Variants in CLIP1 observed in about 807,000 individuals in gnomAD.
CLIP1 encodes the protein CAP-Gly domain-containing linker protein 1.
In CLIP1, 66 loss-of-function variants were observed where a neutral mutation model predicts 161.6. The observed-to-expected ratio is 0.41, with a 90% CI of 0.33 to 0.50. The LOEUF (loss-of-function observed/expected upper bound fraction) is 0.50. Ranked by LOEUF, CLIP1 falls within the 20% of genes least tolerant of loss-of-function variation. CLIP1 has a pLI of 0.27. For synonymous variants in CLIP1, 598 were observed against 626.2 expected (o/e 0.96, Z 0.67); for missense variants, 1,376 against 1,702.0 (o/e 0.81, Z 3.37).
rs151074651 is a variant in CLIP1, at chr12:122,397,336, T to C, written c.-106-16778A>G. Among the ~76,000 whole-genome samples the C allele has an allele frequency of 2.9e-3, 437 of 151,758 alleles. 2 individuals carry two copies. Among genetic ancestry groups the C allele is most frequent in the African/African-American group, 0.01 (420 of 41,436 alleles). ...TGGAAGAGTTCAGGCGTGTGGCTCATGCCTGTAATCCCAGCACTTTGGGAG... is the reference window on the plus strand; with the variant it reads ...TGGAAGAGTTCAGGCGTGTGGCTCACGCCTGTAATCCCAGCACTTTGGGAG... On this transcript the variant is annotated intron_variant, in intron 1 of 25. Coordinates refer to ENST00000620786, the MANE Select transcript of CLIP1 (RefSeq NM_001247997.2).
chr12:122,330,482 G>A (rs1020139519), intron 15 of CLIP1, among the ~76,000 whole-genome samples: 3 of 151,396 alleles, frequency 2.0e-5, no homozygotes, highest in African/African-American at 7.3e-5. Context: ...TAAATTCTTT[G>A]ATTTTTATAT....
In CLIP1 at chr12:122,327,444, C is replaced by T. The variant is rs568580278; in HGVS notation, c.3249+503G>A. ...AGCTCACAGTACCTTCCTGGGGACA[C>T]ATAAAGCCCTCTGTGGAGTTCTCAA... On this transcript the variant is annotated intron_variant, in intron 17 of 25. Transcript: ENST00000620786. Among the ~76,000 whole-genome samples the T allele has an allele frequency of 7.2e-5, 11 of 152,270 alleles. No individual in the cohort carries two copies. The South Asian group carries it at 2.3e-3, about 32-fold the overall frequency.
chr12:122,293,266 G>A (rs529247878), intron 20 of CLIP1, among the ~76,000 whole-genome samples: 18 of 152,124 alleles, frequency 1.2e-4, no homozygotes, highest in Admixed American at 4.6e-4. Context: ...AACGCAAACT[G>A]AAACCACACT....
chr12:122,353,058 T>C (rs1048018593), intron 7 of CLIP1, among the ~76,000 whole-genome samples: 3 of 151,216 alleles, frequency 2.0e-5, no homozygotes, highest in African/African-American at 7.3e-5. Context: ...CCACCAGAAA[T>C]GCCTTAGAGA....
chr12:122,420,345 CAAAAA>C, intron 1 of CLIP1, among the ~76,000 whole-genome samples: 1 of 124,108 alleles, frequency 8.1e-6, no homozygotes, highest in East Asian at 2.3e-4. Flanking sequence ...AATTCCATGT[CAAAAA>C]AAAAAAAAGA....
intron 1 of CLIP1, among the ~76,000 whole-genome samples, chr12:122,408,893 C>A (rs2137145906): frequency 6.6e-6 from 1 of 152,240 alleles, no homozygotes; most frequent in Admixed American, 6.6e-5. Flanking sequence ...CTCACTGCAA[C>A]CTCCGCCTCC....
At chr12:122,399,465 C>T (rs1251691735) in intron 1 of CLIP1, 1 of 152,236 alleles carries the variant, frequency 6.6e-6, no homozygotes, top group Non-Finnish European at 1.5e-5. Context: ...AGGCTCAGCA[C>T]CTCCTGGCAC....
In CLIP1 at chr12:122,340,975, C is replaced by T. The variant is rs757189888; in HGVS notation, c.2229G>A (p.Lys743=). ...NKLQEAEIKV[K]ELEVLQAKCN... is the part of the protein sequence containing the mutation. ...ATTTGGCTTGCAGTACCTCTAGCTC[C>T]TTTACCTTTATTTCAGCTTCCTGTA... Residue 743 remains lysine (K), a synonymous_variant, in exon 11 of 26, where the codon AAG becomes AAA. Coordinates refer to ENST00000620786, the MANE Select transcript of CLIP1 (RefSeq NM_001247997.2). 7.6e-5 allele frequency: 122 copies of T among 1,614,072 alleles called. 3 individuals are homozygous for T. In the South Asian group the frequency reaches 1.3e-3, roughly 17 times the overall value.
intron 19 of CLIP1, among the ~76,000 whole-genome samples, chr12:122,316,253 C>T (rs531350544): frequency 1.3e-4 from 20 of 151,742 alleles, no homozygotes; most frequent in Non-Finnish European, 2.7e-4. Flanking sequence ...CTCTGTCACC[C>T]AGGCTGGAGT....
chr12:122,390,340 T>C (rs1955603915), intron 1 of CLIP1, among the ~76,000 whole-genome samples: 1 of 141,736 alleles, frequency 7.1e-6, no homozygotes, highest in South Asian at 2.2e-4. Context: ...TTAAACGGAG[T>C]CTCGCTCTGC....
intron 15 of CLIP1, among the ~76,000 whole-genome samples, chr12:122,330,768 T>A (rs1194838001): frequency 2.1e-5 from 3 of 143,826 alleles, no homozygotes; most frequent in Non-Finnish European, 4.6e-5. Flanking sequence ...CTCAGCTCAT[T>A]TTTTGTATTT....
At chr12:122,319,389 C>T (rs759011373) in intron 17 of CLIP1, 41 bp from the exon 18 acceptor site, 36 of 1,446,698 alleles carry the variant, frequency 2.5e-5, no homozygotes, top group South Asian at 3.4e-5. Context: ...GGACAGCCCT[C>T]GCCAACACCG....
At chr12:122,307,747 T>C (rs1445775078) in intron 20 of CLIP1, among the ~76,000 whole-genome samples, 2 of 152,216 alleles carry the variant, frequency 1.3e-5, no homozygotes, top group African/African-American at 4.8e-5. Flanking sequence ...AGGTGGCTTC[T>C]AAGTTACTTT....
intron 18 of CLIP1, among the ~76,000 whole-genome samples, chr12:122,317,546 A>T (rs1387960605): frequency 6.6e-6 from 1 of 152,202 alleles, no homozygotes; most frequent in Non-Finnish European, 1.5e-5. Context: ...GACTGATCAT[A>T]GGCTGTGGCA....
chr12:122,286,912 C>T (rs536636474), intron 21 of CLIP1, among the ~76,000 whole-genome samples: 19 of 152,106 alleles, frequency 1.2e-4, no homozygotes, highest in Non-Finnish European at 1.9e-4. Context: ...GCAGGAGAAT[C>T]GCTTGAACCC....
At chr12:122,374,080 G>A (rs1954591064) in intron 3 of CLIP1, among the ~76,000 whole-genome samples, 1 of 152,012 alleles carries the variant, frequency 6.6e-6, no homozygotes, top group South Asian at 2.1e-4. Context: ...GCTCGTGCCT[G>A]TAATCCTAGC....
intron 3 of CLIP1, among the ~76,000 whole-genome samples, chr12:122,374,465 CAA>C (rs773925243): frequency 7.8e-6 from 1 of 128,058 alleles, no homozygotes; most frequent in African/African-American, 2.9e-5. Flanking sequence ...CTAAAAATAC[CAA>C]AAAAAAAAAT....
intron 17 of CLIP1, among the ~76,000 whole-genome samples, chr12:122,320,648 C>T (rs1021490484): frequency 2.0e-5 from 3 of 151,324 alleles, no homozygotes; most frequent in African/African-American, 7.3e-5. Context: ...CGCTTGAACC[C>T]GGGAGGCAGA....
chr12:122,327,950 G>C lies in CLIP1; in HGVS notation c.3246C>G (p.Ala1082=). 4 of 1,613,924 alleles carry C rather than the reference G, an allele frequency of 2.5e-6. No individual in the cohort carries two copies. The highest frequency in any genetic ancestry group is 3.4e-6 in the Non-Finnish European group (4 of 1,179,886). The part of the protein sequence containing the change: ...LEELRKQADK[A]KAAQTAEDAM... ...GAAATTCTCTCGCGTCACGTACTTT[G>C]GCTTTGTCGGCTTGCTTTCTCAGCT... Residue 1082 remains alanine, a synonymous_variant, in exon 17 of 26, where the codon GCC becomes GCG. Transcript: ENST00000620786.
Sources: gnomAD v4.1 joint callset for allele counts (sites outside exome capture counted in the v4.1 genomes callset) on GRCh38, gnomAD v4.1.1 for gene constraint, MANE v1.5 for transcripts, NCBI Gene and HGNC (gene_info 2026-07-23, HGNC 2026-07-21) for gene names.